GALNTL6: variants seen among roughly 807,000 people sequenced by gnomAD.
The protein encoded by GALNTL6 is polypeptide N-acetylgalactosaminyltransferase-like 6.
A neutral mutation model predicts 73.7 loss-of-function variants in GALNTL6; 46 were observed. The ratio of observed to expected loss-of-function variants is 0.62; its 90% confidence interval spans 0.49 to 0.80. The LOEUF (loss-of-function observed/expected upper bound fraction) is 0.80, where lower values mean the gene tolerates loss of function less well. GALNTL6 is among the 30% of genes least tolerant of loss of function. The pLI, the probability that GALNTL6 is intolerant of heterozygous loss-of-function variation, is 0.00. For missense variants in GALNTL6, 604 were observed against 755.0 expected, an observed-to-expected ratio of 0.80 and a Z score of 2.34; for synonymous variants, 259 against 263.7, an observed-to-expected ratio of 0.98 and a Z score of 0.17.
chr4:172,043,168 G>T (rs536794264), intron 2 of GALNTL6, among the ~76,000 whole-genome samples: 3 of 151,952 alleles, frequency 2.0e-5, no homozygotes, highest in African/African-American at 7.2e-5. Flanking sequence ...TTTGGCTTTT[G>T]TACAATCATT....
Position 172,583,737 on chromosome 4 carries a change from T to C in GALNTL6, c.554-225624T>C, listed in dbSNP as rs569776447. On this transcript the variant is annotated intron_variant, in intron 5 of 12. Transcript: ENST00000506823. ...CAACATGGTGAAACCCCATCTCTAC[T>C]AAAAATACAAAAATTATCCGGGGGT... Among the ~76,000 whole-genome samples, 5 of 151,550 alleles carry C rather than the reference T, an allele frequency of 3.3e-5. No individual in the cohort carries two copies. The East Asian group carries it at 7.8e-4, about 24-fold the overall frequency.
intron 4 of GALNTL6, among the ~76,000 whole-genome samples, chr4:172,321,749 G>T (rs1348551305): frequency 1.3e-5 from 2 of 152,108 alleles, no homozygotes; most frequent in African/African-American, 4.8e-5. Flanking sequence ...TGTTACAAAA[G>T]GTAGTAAGGC....
intron 3 of GALNTL6, among the ~76,000 whole-genome samples, chr4:172,291,610 T>A (rs1739473533): frequency 6.6e-6 from 1 of 152,134 alleles, no homozygotes; most frequent in Non-Finnish European, 1.5e-5. Context: ...AGAAATATGT[T>A]ATCTATAAGA....
At chr4:172,903,858 T>A (rs898236038) in intron 8 of GALNTL6, among the ~76,000 whole-genome samples, 12 of 152,164 alleles carry the variant, frequency 7.9e-5, no homozygotes, top group African/African-American at 2.7e-4. Context: ...TTATTTTAGA[T>A]CCAGGGGTGC....
At chr4:173,009,040 A>G in intron 10 of GALNTL6, 138 bp from the exon 11 acceptor site, 1 of 651,388 alleles carries the variant, frequency 1.5e-6, no homozygotes. Context: ...TAAATTGCAT[A>G]CAAATTCAAG....
intron 2 of GALNTL6, among the ~76,000 whole-genome samples, chr4:172,093,327 C>G (rs11929950): frequency 0.033 from 5,051 of 151,958 alleles, 265 homozygotes; most frequent in African/African-American, 0.11. Context: ...TTATCTATAC[C>G]ATTGTATCTT....
intron 11 of GALNTL6, among the ~76,000 whole-genome samples, chr4:173,019,784 G>T (rs1752925267): frequency 6.6e-6 from 1 of 152,160 alleles, no homozygotes; most frequent in South Asian, 2.1e-4. Context: ...GCTCGTTTAG[G>T]TCATTTCTTG....
rs531893834 is a variant in GALNTL6 at position 172,788,623 on chromosome 4, T to G, written c.554-20738T>G. Among the ~76,000 whole-genome samples the G allele has an allele frequency of 1.1e-3, 151 of 134,056 alleles. 1 individual carries two copies. The highest frequency in any genetic ancestry group is 7.4e-3 in the Admixed American group (88 of 11,870). 87.9% of individuals were successfully genotyped at this position (134,056 alleles called of 152,430 possible). A position where few individuals can be genotyped will look rare whatever the true frequency, so the allele number is the denominator to read the frequency against. On this transcript the variant is annotated intron_variant, in intron 5 of 12. Transcript: ENST00000506823. ...GGAGGCGGAGCTTGCAGTGGGCCGA[T>G]ATCGCACCACTGCACTCCAGCCTGA...
intron 2 of GALNTL6, among the ~76,000 whole-genome samples, chr4:171,949,047 CA>C (rs1259864506): frequency 6.6e-6 from 1 of 151,804 alleles, no homozygotes; most frequent in African/African-American, 2.4e-5. Flanking sequence ...AGAGTGCGTC[CA>C]AAAAGGAATT....
chr4:172,728,831 A>G (rs1735983811), intron 5 of GALNTL6, among the ~76,000 whole-genome samples: 1 of 152,196 alleles, frequency 6.6e-6, no homozygotes. Context: ...ACTAATTTAC[A>G]TTCCCACTTA....
At chr4:172,779,945 T>C (rs1296883807) in intron 5 of GALNTL6, among the ~76,000 whole-genome samples, 4 of 152,140 alleles carry the variant, frequency 2.6e-5, no homozygotes, top group Admixed American at 6.5e-5. Flanking sequence ...TATATCTAAT[T>C]AAAAAGTATT....
chr4:172,913,802 A>G (rs1274333067), intron 8 of GALNTL6, among the ~76,000 whole-genome samples: 1 of 152,252 alleles, frequency 6.6e-6, no homozygotes, highest in Non-Finnish European at 1.5e-5. Context: ...AATGGAACCA[A>G]GTTGGAAAAC....
At chr4:172,609,611 C>CTG (rs1738440881) in intron 5 of GALNTL6, among the ~76,000 whole-genome samples, 1 of 33,306 alleles carries the variant, frequency 3.0e-5, no homozygotes, top group Non-Finnish European at 8.2e-5. Flanking sequence ...TTCTCTCTCT[C>CTG]TCTCTCTCTC....
intron 5 of GALNTL6, among the ~76,000 whole-genome samples, chr4:172,415,455 T>C (rs941037209): frequency 6.6e-6 from 1 of 152,224 alleles, no homozygotes; most frequent in Non-Finnish European, 1.5e-5. Context: ...CCCCTTGTGA[T>C]GCCATGCAGC....
chr4:172,125,961 C>T (rs1222428376), intron 2 of GALNTL6, among the ~76,000 whole-genome samples: 1 of 151,926 alleles, frequency 6.6e-6, no homozygotes, highest in Non-Finnish European at 1.5e-5. Context: ...CTTATACTTT[C>T]TCTTATCAAA....
At chr4:172,031,702 C>T (rs1741776195) in intron 2 of GALNTL6, among the ~76,000 whole-genome samples, 1 of 151,966 alleles carries the variant, frequency 6.6e-6, no homozygotes, top group Non-Finnish European at 1.5e-5. Flanking sequence ...TTCAAGTCCT[C>T]AGCCTCAGTG....
intron 2 of GALNTL6, among the ~76,000 whole-genome samples, chr4:172,157,627 A>C (rs1424086402): frequency 6.6e-6 from 1 of 152,192 alleles, no homozygotes; most frequent in East Asian, 1.9e-4. Context: ...GTCCATTCTC[A>C]TAGACTCACT....
chr4:172,913,334 C>T (rs548364692), intron 8 of GALNTL6, among the ~76,000 whole-genome samples: 1 of 152,340 alleles, frequency 6.6e-6, no homozygotes, highest in South Asian at 2.1e-4. Context: ...ACCTCTTCTC[C>T]TCCAAAGGAT....
At chr4:172,642,222 C>CT (rs1740019232) in intron 5 of GALNTL6, among the ~76,000 whole-genome samples, 1 of 151,922 alleles carries the variant, frequency 6.6e-6, no homozygotes, top group Admixed American at 6.6e-5. Flanking sequence ...AATTGCAACA[C>CT]TGGGTATATA....
Sources: gnomAD v4.1 joint callset for allele counts (sites outside exome capture counted in the v4.1 genomes callset) on GRCh38, gnomAD v4.1.1 for gene constraint, MANE v1.5 for transcripts, NCBI Gene and HGNC (gene_info 2026-07-23, HGNC 2026-07-21) for gene names.